SORCS1: variants seen among roughly 807,000 people sequenced by gnomAD.
SORCS1 encodes sortilin related VPS10 domain containing receptor 1, also known as VPS10 domain-containing receptor SorCS1.
SORCS1 carries 60 observed loss-of-function variants against 146.1 expected under a neutral mutation model. That is an observed-to-expected ratio of 0.41 (90% CI 0.33 to 0.51). The LOEUF (loss-of-function observed/expected upper bound fraction) is 0.51, where lower values mean the gene tolerates loss of function less well. SORCS1 is among the 20% of genes least tolerant of loss of function. The pLI is 0.21. For missense variants in SORCS1, 1,352 were observed against 1,487.6 expected (o/e 0.91, Z 1.50); for synonymous variants, 637 against 584.0 (o/e 1.09, Z -1.31).
intron 20 of SORCS1, among the ~76,000 whole-genome samples, chr10:106,618,752 C>A (rs903761691): frequency 6.6e-5 from 10 of 152,134 alleles, no homozygotes; most frequent in African/African-American, 1.7e-4. Context: ...ATCCGGTACA[C>A]CAAAACCATA....
At chr10:106,850,677 G>A (rs1949529974) in intron 2 of SORCS1, among the ~76,000 whole-genome samples, 1 of 152,146 alleles carries the variant, frequency 6.6e-6, no homozygotes, top group Admixed American at 6.5e-5. Flanking sequence ...TATTTGGTAA[G>A]GTCTCCTTTA....
At chr10:106,915,353 C>A (rs1952366531) in intron 2 of SORCS1, among the ~76,000 whole-genome samples, 1 of 152,182 alleles carries the variant, frequency 6.6e-6, no homozygotes, top group South Asian at 2.1e-4. Flanking sequence ...TGCATTTCTA[C>A]CAATAAAACC....
intron 3 of SORCS1, among the ~76,000 whole-genome samples, chr10:106,817,039 G>A (rs573569580): frequency 3.2e-4 from 48 of 152,306 alleles, no homozygotes; most frequent in Non-Finnish European, 5.1e-4. Context: ...GAGAAAATAC[G>A]TAAATCAGTT....
At chr10:106,997,914 G>A (rs1011539565) in intron 1 of SORCS1, among the ~76,000 whole-genome samples, 11 of 152,154 alleles carry the variant, frequency 7.2e-5, no homozygotes, top group Admixed American at 4.6e-4. Context: ...GGAGGTGCAT[G>A]GGTAGGGAGA....
chr10:106,815,776 C>T (rs1947712092), intron 3 of SORCS1, among the ~76,000 whole-genome samples: 1 of 152,190 alleles, frequency 6.6e-6, no homozygotes, highest in Non-Finnish European at 1.5e-5. Flanking sequence ...GGAAATATAA[C>T]TGCAGAAACC....
Position 106,750,728 on chromosome 10 carries a change from C to CAAAAAAAAAAAAAAAAAA in SORCS1, c.959+10842_959+10859dup, listed in dbSNP as rs572295853. On this transcript the variant is annotated intron_variant, in intron 5 of 25. Coordinates refer to ENST00000263054, the MANE Select transcript of SORCS1 (RefSeq NM_052918.5). ...TGGGCGACAGGGTGAGACTCCCTCTCAAAAAAAAAAAAAAAAAAAAAAAAA... is the reference window on the plus strand; with the variant it reads ...TGGGCGACAGGGTGAGACTCCCTCTCAAAAAAAAAAAAAAAAAAAAAAAAAAAAAAAAAAAAAAAAAAA... 2.1e-4 allele frequency among the ~76,000 whole-genome samples: 5 copies of CAAAAAAAAAAAAAAAAAA among 24,020 alleles called. 1 individual carries two copies. Among genetic ancestry groups the CAAAAAAAAAAAAAAAAAA allele is most frequent in the Admixed American group, 9.6e-4 (1 of 1,042 alleles). The allele number at this position is 24,020 out of a possible 152,430, so 15.8% of individuals were successfully genotyped here.
chr10:106,707,257 C>T (rs545800313), intron 7 of SORCS1, among the ~76,000 whole-genome samples: 116 of 151,378 alleles, frequency 7.7e-4, no homozygotes, highest in African/African-American at 2.6e-3. Flanking sequence ...GGCACTATCT[C>T]GGCTCACTGC....
chr10:106,956,654 G>A lies in SORCS1; in HGVS notation c.559-74C>T, dbSNP rs552740032. Reference sequence around the variant, plus strand: ...CTTAGAACTGAAATGGCCCAAGGGAGGGCTTAGGATTCCTTTAATAGTCAC... The same window carrying A: ...CTTAGAACTGAAATGGCCCAAGGGAAGGCTTAGGATTCCTTTAATAGTCAC... On this transcript the variant is annotated intron_variant, in intron 1 of 25. Coordinates refer to ENST00000263054, the MANE Select transcript of SORCS1 (RefSeq NM_052918.5). 1.3e-4 allele frequency: 170 copies of A among 1,285,132 alleles called. No homozygotes were observed. The African/African-American group carries it at 2.3e-3, about 17-fold the overall frequency. 79.6% of individuals were successfully genotyped at this position (1,285,132 alleles called of 1,614,324 possible). A position where few individuals can be genotyped will look rare whatever the true frequency, so the allele number is the denominator to read the frequency against.
chr10:107,136,099 G>A (rs1328581918), intron 1 of SORCS1, among the ~76,000 whole-genome samples: 3 of 151,800 alleles, frequency 2.0e-5, no homozygotes, highest in Admixed American at 6.6e-5. Flanking sequence ...TTGTTTAGTA[G>A]TAAAGAGTGC....
chr10:106,896,853 A>T (rs1477465136), intron 2 of SORCS1, among the ~76,000 whole-genome samples: 6 of 150,112 alleles, frequency 4.0e-5, no homozygotes, highest in African/African-American at 1.5e-4. Flanking sequence ...CTGACACATT[A>T]CTCACTCCAT....
intron 2 of SORCS1, among the ~76,000 whole-genome samples, chr10:106,887,926 C>A (rs1348978944): frequency 6.6e-6 from 1 of 152,172 alleles, no homozygotes; most frequent in Non-Finnish European, 1.5e-5. Flanking sequence ...GTAGACAAAG[C>A]TGCAAACTGC....
intron 16 of SORCS1, among the ~76,000 whole-genome samples, chr10:106,669,555 C>A (rs1001171536): frequency 6.6e-6 from 1 of 152,190 alleles, no homozygotes; most frequent in Admixed American, 6.5e-5. Context: ...CTTAAAATCT[C>A]ATGGTAGTTT....
rs753735486 is a variant in SORCS1, at chr10:106,688,240, C to T, written c.1512G>A (p.Leu504=). The change falls in exon 10 of 26, where the codon CTG becomes CTA. Residue 504 remains leucine (L), a synonymous_variant. Transcript: ENST00000263054. ...CCCTTAGATCCGTGTCCGGCGCCTG[C>T]AGCAAACGCCAGTCTCTGCCTTTGT... ...TYNKGRDWRL[L]QAPDTDLRGD... is the part of the protein sequence containing the mutation. The T allele has an allele frequency of 6.2e-7, 1 of 1,614,068 alleles. No individual in the cohort carries two copies. The highest frequency in any genetic ancestry group is 1.1e-5 in the South Asian group (1 of 91,070).
rs1339749214 is a variant in SORCS1, at chr10:106,848,005, C to G, written c.627-18332G>C. On this transcript the variant is annotated intron_variant, in intron 2 of 25. Coordinates refer to ENST00000263054, the MANE Select transcript of SORCS1 (RefSeq NM_052918.5). ...TTGCTGAGGAGAGCTTTACTTCCAA[C>G]TATGTGGTCAATTTTGGAATAGGTG... 1.3e-4 allele frequency among the ~76,000 whole-genome samples: 19 copies of G among 143,784 alleles called. 1 individual carries two copies. The highest frequency in any genetic ancestry group is 4.1e-4 in the East Asian group (2 of 4,908). The allele number at this position is 143,784 out of a possible 152,430, so 94.3% of individuals were successfully genotyped here. A position where few individuals can be genotyped will look rare whatever the true frequency, so the allele number is the denominator to read the frequency against.
intron 3 of SORCS1, among the ~76,000 whole-genome samples, chr10:106,785,058 G>A (rs1004310448): frequency 1.3e-5 from 2 of 152,120 alleles, no homozygotes; most frequent in African/African-American, 2.4e-5. Flanking sequence ...AGGAGTTCAG[G>A]AAATGCCACC....
chr10:106,622,800 T>C (rs1847838899), intron 19 of SORCS1, among the ~76,000 whole-genome samples: 1 of 152,236 alleles, frequency 6.6e-6, no homozygotes, highest in Admixed American at 6.5e-5. Context: ...AACGTGACTT[T>C]CCCCAGGTCA....
chr10:106,742,172 C>T (rs535579911), intron 5 of SORCS1, among the ~76,000 whole-genome samples: 1 of 152,128 alleles, frequency 6.6e-6, no homozygotes, highest in Non-Finnish European at 1.5e-5. Context: ...TCCTGGGGTG[C>T]GAAATGGCAA....
chr10:106,995,933 G>T (rs1166746676), intron 1 of SORCS1, among the ~76,000 whole-genome samples: 2 of 152,064 alleles, frequency 1.3e-5, no homozygotes, highest in Non-Finnish European at 2.9e-5. Flanking sequence ...CAGATTAAAA[G>T]AATGTAGAAA....
At chr10:107,158,276 A>AT (rs1969444398) in intron 1 of SORCS1, among the ~76,000 whole-genome samples, 1 of 152,270 alleles carries the variant, frequency 6.6e-6, no homozygotes, top group South Asian at 2.1e-4. Flanking sequence ...TGATGTGTAT[A>AT]TTTTTTGCTT....
Sources: gnomAD v4.1 joint callset for allele counts (sites outside exome capture counted in the v4.1 genomes callset) on GRCh38, gnomAD v4.1.1 for gene constraint, MANE v1.5 for transcripts, NCBI Gene and HGNC (gene_info 2026-07-23, HGNC 2026-07-21) for gene names.